NCBP1: variants seen among roughly 807,000 people sequenced by gnomAD.
NCBP1 encodes the protein nuclear cap-binding protein subunit 1.
Under a neutral mutation model 111.7 loss-of-function variants are expected in NCBP1, and 16 were observed. The observed-to-expected ratio is 0.14, with a 90% CI of 0.10 to 0.22. The LOEUF (loss-of-function observed/expected upper bound fraction) is 0.22, where lower values mean the gene tolerates loss of function less well. NCBP1 is among the 10% of genes least tolerant of loss of function. The pLI is 1.00. For missense variants in NCBP1, 607 were observed against 957.5 expected, an observed-to-expected ratio of 0.63 and a Z score of 4.83; for synonymous variants, 304 against 314.3, an observed-to-expected ratio of 0.97 and a Z score of 0.35.
chr9:97,640,173 G>A (rs368326155), intron 1 of NCBP1, among the ~76,000 whole-genome samples: 45 of 152,224 alleles, frequency 3.0e-4, no homozygotes, highest in African/African-American at 1.0e-3. Flanking sequence ...ATTGTTAATT[G>A]AAGACTTGAG....
In NCBP1 at chr9:97,668,875, C is replaced by T; in HGVS notation, c.2046C>T (p.Asp682=). ...RRSDDDDRSS[D]RKDGVLEEQI... Reference sequence around the variant, plus strand: ...GTGATGATGACGACAGAAGCAGTGACAGGAAAGACGGGGTTCTTGAGGAAC... The same window carrying T: ...GTGATGATGACGACAGAAGCAGTGATAGGAAAGACGGGGTTCTTGAGGAAC... The change falls in exon 21 of 23, where the codon GAC becomes GAT. Residue 682 remains aspartate (D), a synonymous_variant. Coordinates refer to ENST00000375147, the MANE Select transcript of NCBP1 (RefSeq NM_002486.5). 6.2e-7 allele frequency: 1 copy of T among 1,613,484 alleles called. No homozygotes were observed. The highest frequency in any genetic ancestry group is 8.5e-7 in the Non-Finnish European group (1 of 1,179,676).
intron 1 of NCBP1, among the ~76,000 whole-genome samples, chr9:97,637,881 G>A (rs1827093103): frequency 6.6e-6 from 1 of 152,138 alleles, no homozygotes; most frequent in Non-Finnish European, 1.5e-5. Flanking sequence ...TTATAGAGGG[G>A]AAATTTATTT....
intron 2 of NCBP1, 36 bp from the exon 3 acceptor site, chr9:97,641,526 G>A (rs749083322): frequency 6.6e-7 from 1 of 1,507,588 alleles, no homozygotes; most frequent in Non-Finnish European, 8.9e-7. Context: ...ATGTTGCTGA[G>A]TACTTGACAG....
In NCBP1 at chr9:97,650,607, T is replaced by C; in HGVS notation, c.995+7T>C. ...GGAAGGAAAGGAAGACTTGGTAAGA[T>C]TCTTTTCATGGTACTTTTAGAAGGG... On this transcript the variant is annotated splice_region_variant and intron_variant, in intron 9 of 22. Transcript: ENST00000375147. The C allele has an allele frequency of 6.2e-7, 1 of 1,608,186 alleles. No individual in the cohort carries two copies. Among genetic ancestry groups the C allele is most frequent in the Non-Finnish European group, 8.5e-7 (1 of 1,175,476 alleles).
chr9:97,647,707 A>G (rs753617804), intron 7 of NCBP1, 146 bp downstream of exon 7: 17 of 702,406 alleles, frequency 2.4e-5, no homozygotes, highest in Admixed American at 1.2e-4. Context: ...CTCAAGGTGT[A>G]TGGTAGGTCT....
chr9:97,671,189 T>C lies in NCBP1; in HGVS notation c.2363T>C (p.Leu788Pro), dbSNP rs1828180728. The C allele has an allele frequency of 6.2e-7, 1 of 1,606,404 alleles. No homozygotes were observed. The change falls in exon 23 of 23, where the codon CTG becomes CCG. Residue 788 changes from leucine to proline, a missense_variant. Transcript: ENST00000375147. The stretch of plus-strand genomic sequence containing the variant: ...GCCGTGTTCCAGCAGTTCTGTGCCC[T>C]GCAGGCCTAAGGGTCATTTTTTCCT... ...ILAVFQQFCA[L>P]QA
intron 4 of NCBP1, 88 bp downstream of exon 4, chr9:97,643,448 C>A (rs989296628): frequency 4.6e-6 from 6 of 1,317,586 alleles, no homozygotes; most frequent in South Asian, 1.6e-5. Context: ...AAAATGCTCT[C>A]CTAAAACATT....
chr9:97,655,824 G>C lies in NCBP1; in HGVS notation c.1298+60G>C, dbSNP rs1028003916. ...CAAAAAACTACTAATGTTTAAAACTGTAACATAAAAGTGTCTGAAATATTT... is the reference window on the plus strand; with the variant it reads ...CAAAAAACTACTAATGTTTAAAACTCTAACATAAAAGTGTCTGAAATATTT... On this transcript the variant is annotated intron_variant, in intron 13 of 22. Coordinates refer to ENST00000375147, the MANE Select transcript of NCBP1 (RefSeq NM_002486.5). 13 of 1,483,732 alleles carry C rather than the reference G, an allele frequency of 8.8e-6. No individual in the cohort carries two copies. The East Asian group carries it at 2.5e-4, about 29-fold the overall frequency. The allele number at this position is 1,483,732 out of a possible 1,614,324, so 91.9% of individuals were successfully genotyped here. A position where few individuals can be genotyped will look rare whatever the true frequency, so the allele number is the denominator to read the frequency against.
chr9:97,661,061 T>C lies in NCBP1; in HGVS notation c.1593T>C (p.Asp531=), dbSNP rs771629468. 1.2e-6 allele frequency: 2 copies of C among 1,612,312 alleles called. No homozygotes were observed. The highest frequency in any genetic ancestry group is 1.1e-5 in the South Asian group (1 of 91,024). The change falls in exon 16 of 23, where the codon GAT becomes GAC. Residue 531 remains aspartate, a synonymous_variant. Coordinates refer to ENST00000375147, the MANE Select transcript of NCBP1 (RefSeq NM_002486.5). Reference sequence around the variant, plus strand: ...ATGTACCAAATCCTAACCAGGATGATGACGACGGTAAGTGGAATTCAGTAT... The same window carrying C: ...ATGTACCAAATCCTAACCAGGATGACGACGACGGTAAGTGGAATTCAGTAT... The part of the protein sequence containing the change: ...LKDVPNPNQD[D]DDDEGFSFNP...
At chr9:97,661,921 A>G (rs1827850222) in intron 16 of NCBP1, 121 bp from the exon 17 acceptor site, 3 of 552,810 alleles carry the variant, frequency 5.4e-6, no homozygotes, top group South Asian at 3.8e-5. Context: ...TATTAGAACC[A>G]AAAAACATTA....
chr9:97,662,248 A>G, intron 17 of NCBP1, 104 bp downstream of exon 17: 1 of 810,390 alleles, frequency 1.2e-6, no homozygotes, highest in South Asian at 1.7e-5. Context: ...GAAGATCTTA[A>G]TAGTGTATAA....
intron 18 of NCBP1, among the ~76,000 whole-genome samples, chr9:97,663,944 C>T (rs1314614907): frequency 4.0e-5 from 6 of 151,294 alleles, no homozygotes; most frequent in African/African-American, 9.7e-5. Context: ...TTTGGGAGGC[C>T]GAGATGGATG....
intron 19 of NCBP1, among the ~76,000 whole-genome samples, chr9:97,666,218 T>C (rs1473177089): frequency 6.6e-6 from 1 of 152,206 alleles, no homozygotes; most frequent in African/African-American, 2.4e-5. Flanking sequence ...TTAGTATGTA[T>C]TTGCTAGTAA....
At chr9:97,643,155 T>A (rs972283445) in intron 3 of NCBP1, 49 bp from the exon 4 acceptor site, 2 of 1,523,920 alleles carry the variant, frequency 1.3e-6, no homozygotes, top group African/African-American at 2.9e-5. Flanking sequence ...TTCAGCAACT[T>A]AACGCCATTG....
rs3052096 is a variant in NCBP1, at chr9:97,657,885, G to GCTCTCTCTCT, written c.1374-742_1374-733dup. 1.4e-3 allele frequency among the ~76,000 whole-genome samples: 162 copies of GCTCTCTCTCT among 113,922 alleles called. 1 individual carries two copies. Among genetic ancestry groups the GCTCTCTCTCT allele is most frequent in the African/African-American group, 5.8e-3 (158 of 27,372 alleles). 74.7% of individuals were successfully genotyped at this position (113,922 alleles called of 152,430 possible). On this transcript the variant is annotated intron_variant, in intron 14 of 22. Coordinates refer to ENST00000375147, the MANE Select transcript of NCBP1 (RefSeq NM_002486.5). ...GTATGTACATGAGGAGCCCCGGTAAGCTCTCTCTCTCTCTCTCTCTCTATA... is the reference window on the plus strand; with the variant it reads ...GTATGTACATGAGGAGCCCCGGTAAGCTCTCTCTCTCTCTCTCTCTCTCTCTCTCTCTATA...
In NCBP1 at chr9:97,662,936, T is replaced by TC. The variant is rs775714615; in HGVS notation, c.1704-15dup. On this transcript the variant is annotated splice_polypyrimidine_tract_variant and intron_variant, in intron 17 of 22. Transcript: ENST00000375147. ...TGAATAAGTATATATGGTATTTTTT[T>TC]CCCATCATTATCAAAAGGTTTCATG... 2.4e-5 allele frequency: 37 copies of TC among 1,568,542 alleles called. No homozygotes were observed. The highest frequency in any genetic ancestry group is 2.7e-5 in the Non-Finnish European group (31 of 1,147,248).
At chr9:97,643,026 T>C (rs558544839) in intron 3 of NCBP1, among the ~76,000 whole-genome samples, 178 bp from the exon 4 acceptor site, 38 of 152,196 alleles carry the variant, frequency 2.5e-4, no homozygotes, top group African/African-American at 9.1e-4. Context: ...AATGAAAAAT[T>C]ACGGGACTAT....
At chr9:97,651,025 GA>G (rs1827483166) in intron 9 of NCBP1, among the ~76,000 whole-genome samples, 1 of 151,956 alleles carries the variant, frequency 6.6e-6, no homozygotes, top group Admixed American at 6.6e-5. Context: ...TTATGAGAGT[GA>G]TCTACTCTAT....
At chr9:97,669,729 G>A (rs763194354) in intron 22 of NCBP1, 23 bp downstream of exon 22, 23 of 1,429,280 alleles carry the variant, frequency 1.6e-5, no homozygotes, top group East Asian at 4.5e-5. Flanking sequence ...CTTCGATTAG[G>A]TAATAACACT....
Sources: gnomAD v4.1 joint callset for allele counts (sites outside exome capture counted in the v4.1 genomes callset) on GRCh38, gnomAD v4.1.1 for gene constraint, MANE v1.5 for transcripts, NCBI Gene and HGNC (gene_info 2026-07-23, HGNC 2026-07-21) for gene names.